Variants in CYFIP1 observed in about 807,000 individuals in gnomAD.
CYFIP1 encodes the protein cytoplasmic FMR1 interacting protein 1.
In CYFIP1, 58 loss-of-function variants were observed where a neutral mutation model predicts 163.5. That is an observed-to-expected ratio of 0.35 (90% CI 0.29 to 0.44). The LOEUF (loss-of-function observed/expected upper bound fraction) is 0.44. CYFIP1 is among the 20% of genes least tolerant of loss of function. The probability of loss-of-function intolerance (pLI) is 1.00; values close to 1 mark genes in which losing one functional copy is unlikely to be tolerated. For synonymous variants in CYFIP1, 663 were observed against 660.7 expected (o/e 1.00, Z -0.05); for missense variants, 1,338 against 1,653.8 (o/e 0.81, Z 3.31).
At chr15:22,890,817 C>T (rs1409968720) in intron 23 of CYFIP1, among the ~76,000 whole-genome samples, 1 of 149,824 alleles carries the variant, frequency 6.7e-6, no homozygotes, top group Non-Finnish European at 1.5e-5. Context: ...AGAACACGAA[C>T]AGAGACAGGG....
At chr15:22,939,605 T>G in intron 6 of CYFIP1, 98 bp from the exon 7 acceptor site, 17 of 891,112 alleles carry the variant, frequency 1.9e-5, no homozygotes, top group South Asian at 3.6e-5. Flanking sequence ...GGGATCCCTT[T>G]CCCCTACAGT....
chr15:22,875,466 C>T lies in CYFIP1; in HGVS notation c.3043-195G>A, dbSNP rs140583642. 8.5e-3 allele frequency: 5,212 copies of T among 609,744 alleles called. 44 individuals carry two copies. The highest frequency in any genetic ancestry group is 0.012 in the Non-Finnish European group (4,164 of 338,612). 37.8% of individuals were successfully genotyped at this position (609,744 alleles called of 1,614,324 possible). On this transcript the variant is annotated intron_variant, in intron 26 of 30. Coordinates refer to ENST00000617928, the MANE Select transcript of CYFIP1 (RefSeq NM_014608.6). Reference sequence around the variant, plus strand: ...TCCATTCCGGCAGCCGCCAGCCATGCATGCCTAGTAAGTACTTGGAATGTG... The same window carrying T: ...TCCATTCCGGCAGCCGCCAGCCATGTATGCCTAGTAAGTACTTGGAATGTG...
At chr15:22,905,440 C>T (rs369320985) in intron 21 of CYFIP1, 4 of 151,720 alleles carry the variant, frequency 2.6e-5, no homozygotes, top group African/African-American at 9.7e-5. Flanking sequence ...CCTCTCAAAT[C>T]CTTTTTCTGC....
In CYFIP1 at chr15:22,913,452, C is replaced by T. The variant is rs146151631; in HGVS notation, c.1986-1177G>A. Among the ~76,000 whole-genome samples, 408 of 125,418 alleles carry T rather than the reference C, an allele frequency of 3.3e-3. 4 individuals carry two copies. The highest frequency in any genetic ancestry group is 0.012 in the African/African-American group (398 of 32,370). The allele number at this position is 125,418 out of a possible 152,430, so 82.3% of individuals were successfully genotyped here. ...CTGAGGCCGGAGAATTGCTTGAACC[C>T]GGGAGGCATAGGTTGCAATGAGCTG... On this transcript the variant is annotated intron_variant, in intron 17 of 30. Transcript: ENST00000617928.
At chr15:22,928,508 C>A (rs2881453) in intron 11 of CYFIP1, among the ~76,000 whole-genome samples, 39,265 of 152,202 alleles carry the variant, frequency 0.26, 5,955 homozygotes, top group Middle Eastern at 0.38. Context: ...TGCTGCAGAG[C>A]ACAGAGCAAG....
chr15:22,962,532 G>A (rs1324934008), intron 1 of CYFIP1, among the ~76,000 whole-genome samples: 1 of 151,762 alleles, frequency 6.6e-6, no homozygotes, highest in African/African-American at 2.4e-5. Context: ...CCGAGTAGCT[G>A]GGATTACAGG....
intron 29 of CYFIP1, 100 bp from the exon 30 acceptor site, chr15:22,873,072 A>G: frequency 7.5e-7 from 1 of 1,330,612 alleles, no homozygotes; most frequent in Non-Finnish European, 1.1e-6. Flanking sequence ...CATCTGCATT[A>G]CTGTCTGTGC....
Position 22,927,272 on chromosome 15 carries a change from G to A in CYFIP1, c.1233+634C>T, listed in dbSNP as rs2061385177. Reference sequence around the variant, plus strand: ...AGGCGGGTAGTTCACCTGAGGTCAGGAGTTCAAGACCAGTGTGGCCAACAT... The same window carrying A: ...AGGCGGGTAGTTCACCTGAGGTCAGAAGTTCAAGACCAGTGTGGCCAACAT... On this transcript the variant is annotated intron_variant, in intron 12 of 30. Coordinates refer to ENST00000617928, the MANE Select transcript of CYFIP1 (RefSeq NM_014608.6). Among the ~76,000 whole-genome samples the A allele has an allele frequency of 2.0e-5, 3 of 152,150 alleles. No individual in the cohort carries two copies. The South Asian group carries it at 6.2e-4, about 32-fold the overall frequency.
At chr15:22,919,488 G>A (rs191434554) in intron 13 of CYFIP1, among the ~76,000 whole-genome samples, 163 of 152,218 alleles carry the variant, frequency 1.1e-3, no homozygotes, top group African/African-American at 3.6e-3. Context: ...GGCTTTTGCC[G>A]TTTATAAATA....
intron 1 of CYFIP1, among the ~76,000 whole-genome samples, chr15:22,948,404 A>G (rs988196623): frequency 6.6e-6 from 1 of 152,194 alleles, no homozygotes; most frequent in African/African-American, 2.4e-5. Flanking sequence ...CAGAATTGAC[A>G]TGGAGCTGCC....
rs770353392 is a variant in CYFIP1 at position 22,939,183 on chromosome 15, C to A, written c.795+9G>T. On this transcript the variant is annotated intron_variant, in intron 8 of 30. Transcript: ENST00000617928. ...GCAGTGCCACGGGCTAGCGTCCCCA[C>A]ACACGTACTTTGAGAAGCATGTGTT... 1.2e-6 allele frequency: 2 copies of A among 1,614,178 alleles called. No individual in the cohort carries two copies. The highest frequency in any genetic ancestry group is 1.7e-4 in the Middle Eastern group (1 of 6,058).
At chr15:22,873,955 G>A (rs552918377) in intron 28 of CYFIP1, among the ~76,000 whole-genome samples, 10 of 152,186 alleles carry the variant, frequency 6.6e-5, no homozygotes, top group South Asian at 6.2e-4. Context: ...ATGGGGTTTC[G>A]CCATGTTGCC....
At position 22,870,027 on chromosome 15, in the gene CYFIP1, C is replaced by G. The variant is rs1391053607; in HGVS notation, c.*1G>C. ...TGAGTTACGGAGTGCAGCGCGTGCC[C>G]TCAGCTGCTGGCGAGGGACTGGTGG... On this transcript the variant is annotated 3_prime_UTR_variant, in exon 31 of 31. Coordinates refer to ENST00000617928, the MANE Select transcript of CYFIP1 (RefSeq NM_014608.6). 1 of 1,597,668 alleles carries G rather than the reference C, an allele frequency of 6.3e-7. No homozygotes were observed. The highest frequency in any genetic ancestry group is 1.4e-5 in the African/African-American group (1 of 73,862).
At chr15:22,874,435 C>G in intron 28 of CYFIP1, 115 bp downstream of exon 28, 1 of 680,398 alleles carries the variant, frequency 1.5e-6, no homozygotes, top group Non-Finnish European at 2.4e-6. Flanking sequence ...GAGGCCTGAG[C>G]AGCCACGCAG....
Position 22,917,060 on chromosome 15 carries a change from G to A in CYFIP1, c.1675-430C>T. On this transcript the variant is annotated intron_variant, in intron 15 of 30. Transcript: ENST00000617928. This position sits in a 1 kb window ranked among gnomAD's most constrained non-coding sequence, Gnocchi z 4.2. ...CACGGACAGACAGGAGGGAGAGGCA[G>A]GAGAGAGACGTTAGTCACTCGACAC... The A allele has an allele frequency of 4.0e-6, 6 of 1,507,354 alleles. No individual in the cohort carries two copies. The highest frequency in any genetic ancestry group is 5.3e-6 in the Non-Finnish European group (6 of 1,128,028). The allele number at this position is 1,507,354 out of a possible 1,614,324, so 93.4% of individuals were successfully genotyped here.
chr15:22,920,535 T>C (rs113368747), intron 13 of CYFIP1, among the ~76,000 whole-genome samples: 23 of 129,328 alleles, frequency 1.8e-4, no homozygotes, highest in African/African-American at 6.2e-4. Context: ...ACATGGCTTA[T>C]ATGATTTTGG....
chr15:22,869,913 A>G lies in CYFIP1; in HGVS notation c.*115T>C. 1.1e-6 allele frequency: 1 copy of G among 937,648 alleles called. No homozygotes were observed. The highest frequency in any genetic ancestry group is 1.4e-6 in the Non-Finnish European group (1 of 701,502). The allele number at this position is 937,648 out of a possible 1,614,324, so 58.1% of individuals were successfully genotyped here. A position where few individuals can be genotyped will look rare whatever the true frequency, so the allele number is the denominator to read the frequency against. On this transcript the variant is annotated 3_prime_UTR_variant, in exon 31 of 31. Coordinates refer to ENST00000617928, the MANE Select transcript of CYFIP1 (RefSeq NM_014608.6). ...TATAAAATTAAGTTTTTAGATCGAA[A>G]AGCACCCCCTTTAACAGGTACAGAG...
intron 22 of CYFIP1, among the ~76,000 whole-genome samples, chr15:22,896,560 T>C (rs1016604104): frequency 6.6e-6 from 1 of 152,076 alleles, no homozygotes; most frequent in Non-Finnish European, 1.5e-5. Context: ...GTTTCCACTG[T>C]TATAATCTCA....
At chr15:22,892,077 G>GCTTT (rs2060099809) in intron 23 of CYFIP1, among the ~76,000 whole-genome samples, 1 of 152,152 alleles carries the variant, frequency 6.6e-6, no homozygotes, top group African/African-American at 2.4e-5. Context: ...GAGGGAAGAC[G>GCTTT]CTTTCGCTCT....
Sources: allele counts gnomAD v4.1 joint callset (sites outside exome capture counted in the v4.1 genomes callset), GRCh38; gene constraint gnomAD v4.1.1; non-coding constraint Gnocchi (gnomAD v3.1); transcripts MANE v1.5; gene names NCBI Gene and HGNC (gene_info 2026-07-23, HGNC 2026-07-21).